The following NRBP2 variants were observed in gnomAD, a reference collection of about 807,000 sequenced individuals.
NRBP2 encodes nuclear receptor-binding protein 2.
In NRBP2, 47 loss-of-function variants were observed where a neutral mutation model predicts 74.4. That is an observed-to-expected ratio of 0.63 (90% CI 0.50 to 0.81). The LOEUF is 0.81. Ranked by LOEUF, NRBP2 falls within the 30% of genes least tolerant of loss-of-function variation. NRBP2 has a pLI of 0.00. For synonymous variants in NRBP2, 312 were observed against 273.8 expected (o/e 1.14, Z -1.38); for missense variants, 613 against 690.1 (o/e 0.89, Z 1.25).
Position 143,837,306 on chromosome 8 carries a change from TG to T in NRBP2, c.1077-8del, listed in dbSNP as rs1183809174. On this transcript the variant is annotated splice_region_variant and splice_polypyrimidine_tract_variant and intron_variant, in intron 12 of 17. Transcript: ENST00000442628. The surrounding 1 kb of genome is among the most constrained non-coding windows in gnomAD (Gnocchi z 4.3). ...GAAGGAGACTTCCGAGTACCTGGCA[TG>T]GAAGTGGGAGGCACATGAGGGGCTG... 1.3e-6 allele frequency: 2 copies of T among 1,530,704 alleles called. No homozygotes were observed. Among genetic ancestry groups the T allele is most frequent in the African/African-American group, 1.6e-5 (1 of 63,434 alleles). 94.8% of individuals were successfully genotyped at this position (1,530,704 alleles called of 1,614,324 possible).
In NRBP2 at chr8:143,835,722, C is replaced by A. The variant is rs1554651346; in HGVS notation, c.1446G>T (p.Arg482=). 2 of 1,600,018 alleles carry A rather than the reference C, an allele frequency of 1.2e-6. No individual in the cohort carries two copies. Among genetic ancestry groups the A allele is most frequent in the Middle Eastern group, 1.7e-4 (1 of 5,988 alleles). ...TCTCCAGGAAGGCGGCCAGCTTCAT[C>A]CGGTCGTCCTGCGGAAGGAGGGAGG... ...VHYGFLHEDD[R]MKLAAFLEST... is the part of the protein sequence containing the mutation. Residue 482 remains arginine (R), a synonymous_variant, in exon 18 of 18, where the codon CGG becomes CGT. Transcript: ENST00000442628. The surrounding 1 kb of genome is among the most constrained non-coding windows in gnomAD (Gnocchi z 4.9).
In NRBP2 at chr8:143,833,662, A is replaced by G. The variant is rs568085170; in HGVS notation, c.*2000T>C. The G allele has an allele frequency of 1.4e-4, 22 of 152,360 alleles. No individual in the cohort carries two copies. The highest frequency in any genetic ancestry group is 2.8e-4 in the Non-Finnish European group (19 of 68,036). The allele number at this position is 152,360 out of a possible 1,614,324, so 9.4% of individuals were successfully genotyped here. On this transcript the variant is annotated 3_prime_UTR_variant, in exon 18 of 18. Transcript: ENST00000442628. ...AAAAAAACTATTCTACTTTAAAAAC[A>G]ATACATATATAATTCTGAAAAGATA...
chr8:143,835,917 C>CCCG lies in NRBP2; in HGVS notation c.1382-45_1382-43dup, dbSNP rs1563858609. The CCCG allele has an allele frequency of 6.3e-7, 1 of 1,593,448 alleles. No individual in the cohort carries two copies. The highest frequency in any genetic ancestry group is 1.3e-5 in the African/African-American group (1 of 74,616). ...AGGCGAGGCATGAGGCCGCTGCCCA[C>CCCG]CCGCCGCCTGGGGTCACCGCCCGCC... On this transcript the variant is annotated intron_variant, in intron 16 of 17. Transcript: ENST00000442628. The surrounding 1 kb of genome is among the most constrained non-coding windows in gnomAD (Gnocchi z 4.9).
chr8:143,836,001 C>A lies in NRBP2; in HGVS notation c.1347G>T (p.Arg449=), dbSNP rs370274874. 31 of 1,577,732 alleles carry A rather than the reference C, an allele frequency of 2.0e-5. No homozygotes were observed. The East Asian group carries it at 5.7e-4, about 29-fold the overall frequency. The stretch of plus-strand genomic sequence containing the variant: ...GGTCGTAGGTCAGCTGCCGGTGCAG[C>A]CGGTCTTCCAGCACCAGAAGCAGAG... The part of the protein sequence containing the change: ...HLTLLLVLED[R]LHRQLTYDLL... Residue 449 remains arginine (R), a synonymous_variant, in exon 16 of 18, where the codon CGG becomes CGT. Coordinates refer to ENST00000442628, the MANE Select transcript of NRBP2 (RefSeq NM_178564.4).
rs1554652106 is a variant in NRBP2 at position 143,837,301 on chromosome 8, T to C, written c.1077-2A>G. 2 of 1,448,416 alleles carry C rather than the reference T, an allele frequency of 1.4e-6. No individual in the cohort carries two copies. The highest frequency in any genetic ancestry group is 1.6e-5 in the African/African-American group (1 of 63,636). The allele number at this position is 1,448,416 out of a possible 1,614,324, so 89.7% of individuals were successfully genotyped here. A position where few individuals can be genotyped will look rare whatever the true frequency, so the allele number is the denominator to read the frequency against. ...TCCATGAAGGAGACTTCCGAGTACC[T>C]GGCATGGAAGTGGGAGGCACATGAG... On this transcript the variant is annotated splice_acceptor_variant, in intron 12 of 17. Coordinates refer to ENST00000442628, the MANE Select transcript of NRBP2 (RefSeq NM_178564.4). LOFTEE classifies it high-confidence loss of function. This position sits in a 1 kb window ranked among gnomAD's most constrained non-coding sequence, Gnocchi z 4.3.
chr8:143,836,290 G>C lies in NRBP2; in HGVS notation c.1264-110C>G, dbSNP rs1818382086. 5 of 1,390,200 alleles carry C rather than the reference G, an allele frequency of 3.6e-6. No individual in the cohort carries two copies. The Admixed American group carries it at 1.7e-4, about 47-fold the overall frequency. 86.1% of individuals were successfully genotyped at this position (1,390,200 alleles called of 1,614,324 possible). A position where few individuals can be genotyped will look rare whatever the true frequency, so the allele number is the denominator to read the frequency against. On this transcript the variant is annotated intron_variant, in intron 14 of 17. Transcript: ENST00000442628. ...AGACTGGAAAGGGGGGAATCTCTAAGAGGAGCCCATCTCACTGCTAGTGGC... is the reference window on the plus strand; with the variant it reads ...AGACTGGAAAGGGGGGAATCTCTAACAGGAGCCCATCTCACTGCTAGTGGC...
Position 143,840,732 on chromosome 8 carries a change from C to T in NRBP2, c.103G>A (p.Gly35Ser), listed in dbSNP as rs1319772799. 2 of 1,512,784 alleles carry T rather than the reference C, an allele frequency of 1.3e-6. No homozygotes were observed. Among genetic ancestry groups the T allele is most frequent in the African/African-American group, 1.4e-5 (1 of 69,926 alleles). The allele number at this position is 1,512,784 out of a possible 1,614,324, so 93.7% of individuals were successfully genotyped here. ...TGCTCCCGTCGCTTTTGCCAGCGAC[C>T]ACACGGGCTTTCCTCCAGGATGTCG... ...ESDILEESPC[G>S]RWQKRREQVN... The change falls in exon 1 of 18, where the codon GGT (glycine) becomes AGT (serine). Residue 35 changes from glycine (G) to serine (S), a missense_variant. Physicochemically the swap from Gly to Ser is moderately conservative, Grantham distance 56. This residue lies in a region of NRBP2 where 332 missense variants were observed against 429.2 expected (regional missense o/e 0.77). Transcript: ENST00000442628. This position sits in a 1 kb window ranked among gnomAD's most constrained non-coding sequence, Gnocchi z 5.7.
At chr8:143,838,989 C>T (rs782680230) in intron 8 of NRBP2, 28 bp downstream of exon 8, 46 of 1,556,968 alleles carry the variant, frequency 3.0e-5, no homozygotes, top group Admixed American at 2.3e-4. Flanking sequence ...AGGGTAGGCA[C>T]GGGGCACCCG....
Position 143,836,026 on chromosome 8 carries a change from G to A in NRBP2, c.1322C>T (p.Thr441Ile), listed in dbSNP as rs782148005. The A allele has an allele frequency of 6.4e-7, 1 of 1,569,408 alleles. No individual in the cohort carries two copies. Among genetic ancestry groups the A allele is most frequent in the Admixed American group, 1.8e-5 (1 of 54,694 alleles). Residue 441 changes from threonine (T) to isoleucine (I), a missense_variant, in exon 16 of 18, where the codon ACT (threonine) becomes ATT (isoleucine). Thr to Ile is a moderately conservative substitution (Grantham distance 89). This residue lies in a region of NRBP2 where 281 missense variants were observed against 260.9 expected (regional missense o/e 1.08). Coordinates refer to ENST00000442628, the MANE Select transcript of NRBP2 (RefSeq NM_178564.4). ...RSEDKARWHL[T>I]LLLVLEDRLH... is the part of the protein sequence containing the mutation. ...CCGGTCTTCCAGCACCAGAAGCAGA[G>A]TGAGCTGGGGAGGCGGCGGGGCGTG... is the stretch of plus-strand genomic sequence containing the variant.
chr8:143,837,761 G>A lies in NRBP2; in HGVS notation c.841-6C>T. The stretch of plus-strand genomic sequence containing the variant: ...AGGCAGCAAAGGATGAACTCCTGGG[G>A]CACAGGGAGGAGAGGCTGGTGGTGT... On this transcript the variant is annotated splice_polypyrimidine_tract_variant and splice_region_variant and intron_variant, in intron 10 of 17. Coordinates refer to ENST00000442628, the MANE Select transcript of NRBP2 (RefSeq NM_178564.4). This position sits in a 1 kb window ranked among gnomAD's most constrained non-coding sequence, Gnocchi z 4.3. 4 of 1,558,034 alleles carry A rather than the reference G, an allele frequency of 2.6e-6. No homozygotes were observed. Among genetic ancestry groups the A allele is most frequent in the Non-Finnish European group, 3.5e-6 (4 of 1,150,028 alleles).
rs782440220 is a variant in NRBP2 at position 143,839,125 on chromosome 8, G to A, written c.605-25C>T. The A allele has an allele frequency of 1.2e-5, 18 of 1,512,016 alleles. No individual in the cohort carries two copies. In the African/African-American group the frequency reaches 1.2e-4, roughly 10 times the overall value. 93.7% of individuals were successfully genotyped at this position (1,512,016 alleles called of 1,614,324 possible). A position where few individuals can be genotyped will look rare whatever the true frequency, so the allele number is the denominator to read the frequency against. The stretch of plus-strand genomic sequence containing the variant: ...GCTGTGGGAGGGCGCAGAGCTGAGC[G>A]GGCGGGGACCTCTCCAGGACCCCGT... On this transcript the variant is annotated intron_variant, in intron 7 of 17. Transcript: ENST00000442628. The surrounding 1 kb of genome is among the most constrained non-coding windows in gnomAD (Gnocchi z 5.1).
In NRBP2 at chr8:143,837,016, G is replaced by A. The variant is rs1486220026; in HGVS notation, c.1263+23C>T. 5 of 1,603,020 alleles carry A rather than the reference G, an allele frequency of 3.1e-6. No individual in the cohort carries two copies. The highest frequency in any genetic ancestry group is 4.2e-6 in the Non-Finnish European group (5 of 1,177,066). On this transcript the variant is annotated intron_variant, in intron 14 of 17. Transcript: ENST00000442628. This position sits in a 1 kb window ranked among gnomAD's most constrained non-coding sequence, Gnocchi z 4.3. ...GTTAGAAGGTCTGAGGGATGGCACT[G>A]AGCAGCAGGAGAGGGGACTCACCTT... is the stretch of plus-strand genomic sequence containing the variant.
rs781937957 is a variant in NRBP2 at position 143,835,590 on chromosome 8, G to A, written c.*72C>T. 14 of 1,297,232 alleles carry A rather than the reference G, an allele frequency of 1.1e-5. No homozygotes were observed. The highest frequency in any genetic ancestry group is 3.0e-5 in the African/African-American group (2 of 67,032). The allele number at this position is 1,297,232 out of a possible 1,614,324, so 80.4% of individuals were successfully genotyped here. ...GCGCATGGAGGAGGGCAGCCCCACG[G>A]TGCTGGAGTCTCCCCAACATGGCCT... is the stretch of plus-strand genomic sequence containing the variant. On this transcript the variant is annotated 3_prime_UTR_variant, in exon 18 of 18. Transcript: ENST00000442628. The surrounding 1 kb of genome is among the most constrained non-coding windows in gnomAD (Gnocchi z 4.9).
downstream of NRBP2, among the ~76,000 whole-genome samples, chr8:143,830,116 G>C (rs1554649694): frequency 6.6e-6 from 1 of 152,222 alleles, no homozygotes; most frequent in Non-Finnish European, 1.5e-5. Context: ...GGAACATTTA[G>C]AATTTAATAC....
Position 143,837,131 on chromosome 8 carries a change from G to A in NRBP2, c.1171C>T (p.Leu391=). The change falls in exon 14 of 18, where the codon CTG becomes TTG. Residue 391 remains leucine, a synonymous_variant. Transcript: ENST00000442628. The surrounding 1 kb of genome is among the most constrained non-coding windows in gnomAD (Gnocchi z 4.3). ...PLMNFAATRP[L]GLPRVLAPPP... is the part of the protein sequence containing the mutation. Reference sequence around the variant, plus strand: ...GGGGCCAGCACACGGGGCAGCCCCAGGGGTCGAGTGGCTGCAAAGTTCATC... The same window carrying A: ...GGGGCCAGCACACGGGGCAGCCCCAAGGGTCGAGTGGCTGCAAAGTTCATC... 6.2e-7 allele frequency: 1 copy of A among 1,612,410 alleles called. No homozygotes were observed.
rs1554652920 is a variant in NRBP2, at chr8:143,839,306, G to T, written c.580+8C>A. ...CCGTTCCCCCACCCAGCCCTGCCCCGCCAGCACCGGAGCCGATCTTGATGA... is the reference window on the plus strand; with the variant it reads ...CCGTTCCCCCACCCAGCCCTGCCCCTCCAGCACCGGAGCCGATCTTGATGA... On this transcript the variant is annotated splice_region_variant and intron_variant, in intron 6 of 17. Coordinates refer to ENST00000442628, the MANE Select transcript of NRBP2 (RefSeq NM_178564.4). This position sits in a 1 kb window ranked among gnomAD's most constrained non-coding sequence, Gnocchi z 5.1. The T allele has an allele frequency of 1.3e-6, 1 of 780,392 alleles. No homozygotes were observed. 48.3% of individuals were successfully genotyped at this position (780,392 alleles called of 1,614,324 possible). A position where few individuals can be genotyped will look rare whatever the true frequency, so the allele number is the denominator to read the frequency against.
Position 143,835,812 on chromosome 8 carries a change from C to T in NRBP2, c.1437+8G>A. On this transcript the variant is annotated splice_region_variant and intron_variant, in intron 17 of 17. Coordinates refer to ENST00000442628, the MANE Select transcript of NRBP2 (RefSeq NM_178564.4). This position sits in a 1 kb window ranked among gnomAD's most constrained non-coding sequence, Gnocchi z 4.9. Reference sequence around the variant, plus strand: ...CTCCGCCAGGCCGCGCCGCACCGCCCAGCGCACCTCGTGGAGGAAGCCATA... The same window carrying T: ...CTCCGCCAGGCCGCGCCGCACCGCCTAGCGCACCTCGTGGAGGAAGCCATA... 1 of 1,600,598 alleles carries T rather than the reference C, an allele frequency of 6.2e-7. No individual in the cohort carries two copies. Among genetic ancestry groups the T allele is most frequent in the Non-Finnish European group, 8.5e-7 (1 of 1,174,686 alleles).
At position 143,839,821 on chromosome 8, in the gene NRBP2, A is replaced by G; in HGVS notation, c.359T>C (p.Ile120Thr). The change falls in exon 4 of 18, where the codon ATC becomes ACC. Residue 120 changes from isoleucine (I) to threonine (T), a missense_variant. Around this residue, in one of 2 missense-constraint regions of NRBP2, gnomAD observed 332 missense variants for 429.2 expected, o/e 0.77. Transcript: ENST00000442628. This position sits in a 1 kb window ranked among gnomAD's most constrained non-coding sequence, Gnocchi z 5.1. ...TGATGACACGTACTCTGTGATGAAG[A>G]TGACCTGCACGGTGCGAGCTCAGGA... ...LDTSEACARV[I>T]FITEYVSSGS... The G allele has an allele frequency of 6.5e-7, 1 of 1,536,098 alleles. No homozygotes were observed. The highest frequency in any genetic ancestry group is 8.7e-7 in the Non-Finnish European group (1 of 1,146,882).
In NRBP2 at chr8:143,840,110, G is replaced by C. The variant is rs782766071; in HGVS notation, c.249C>G (p.His83Gln). 1 of 1,536,116 alleles carries C rather than the reference G, an allele frequency of 6.5e-7. No individual in the cohort carries two copies. Among genetic ancestry groups the C allele is most frequent in the South Asian group, 1.2e-5 (1 of 84,066 alleles). The change falls in exon 2 of 18, where the codon CAC becomes CAG. Residue 83 changes from histidine (H) to glutamine (Q), a missense_variant. His to Gln is a conservative substitution (Grantham distance 24). This residue lies in a region of NRBP2 where 332 missense variants were observed against 429.2 expected (regional missense o/e 0.77). Coordinates refer to ENST00000442628, the MANE Select transcript of NRBP2 (RefSeq NM_178564.4). This position sits in a 1 kb window ranked among gnomAD's most constrained non-coding sequence, Gnocchi z 5.7. ...GAGGAGGGGGCAGCGGTCTCACCTC[G>C]TGCGCCGCGAAGGCCTTCCTGTCTC... is the stretch of plus-strand genomic sequence containing the variant. ...HFGDRKAFAA[H>Q]EEKIQTVFEQ...
Sources: gnomAD v4.1 joint callset for allele counts (sites outside exome capture counted in the v4.1 genomes callset) on GRCh38, gnomAD v4.1.1 for gene constraint, gnomAD v4.1.1 regional missense constraint, Gnocchi (gnomAD v3.1) non-coding constraint, MANE v1.5 for transcripts, NCBI Gene and HGNC (gene_info 2026-07-23, HGNC 2026-07-21) for gene names.